Variants in CSF1 observed in about 807,000 individuals in gnomAD.
The protein encoded by CSF1 is macrophage colony-stimulating factor 1.
CSF1 carries 9 observed loss-of-function variants against 48.9 expected under a neutral mutation model. The observed-to-expected ratio is 0.18, with a 90% CI of 0.11 to 0.32. CSF1 has a LOEUF of 0.32. CSF1 is among the 10% of genes least tolerant of loss of function. The probability of loss-of-function intolerance (pLI) is 1.00; values close to 1 mark genes in which losing one functional copy is unlikely to be tolerated. For missense variants in CSF1, 672 were observed against 697.9 expected, an observed-to-expected ratio of 0.96 and a Z score of 0.42; for synonymous variants, 305 against 284.1, an observed-to-expected ratio of 1.07 and a Z score of -0.74.
At chr1:109,917,208 C>G in intron 3 of CSF1, 85 bp from the exon 4 acceptor site, 2 of 1,441,700 alleles carry the variant, frequency 1.4e-6, no homozygotes, top group South Asian at 2.6e-5. Context: ...AGGGGGAGAG[C>G]AAGCTGCAAC....
chr1:109,926,177 G>C (rs1002667001), intron 8 of CSF1: 3 of 152,228 alleles, frequency 2.0e-5, no homozygotes, highest in Admixed American at 6.5e-5. Flanking sequence ...AGTACAGTGG[G>C]ACTGTTACCT....
intron 2 of CSF1, 27 bp from the exon 3 acceptor site, chr1:109,915,607 C>T: frequency 1.2e-6 from 2 of 1,601,960 alleles, no homozygotes; most frequent in Non-Finnish European, 1.7e-6. Context: ...GGTTACCCTG[C>T]AATCGTTGGC....
intron 3 of CSF1, among the ~76,000 whole-genome samples, chr1:109,916,985 G>A (rs1212800067): frequency 6.6e-6 from 1 of 152,134 alleles, no homozygotes; most frequent in East Asian, 1.9e-4. Context: ...AAAGGCAGGG[G>A]AAGGTTCCCT....
intron 1 of CSF1, 22 bp from the exon 2 acceptor site, chr1:109,914,237 A>C: frequency 6.3e-7 from 1 of 1,581,418 alleles, no homozygotes; most frequent in Admixed American, 1.8e-5. Flanking sequence ...CCTGGGGAGA[A>C]ATGACACCCT....
In CSF1 at chr1:109,923,208, C is replaced by T; in HGVS notation, c.587C>T (p.Ala196Val). The T allele has an allele frequency of 6.5e-7, 1 of 1,537,944 alleles. No homozygotes were observed. Among genetic ancestry groups the T allele is most frequent in the African/African-American group, 1.4e-5 (1 of 72,508 alleles). Residue 196 changes from alanine to valine, a missense_variant, in exon 6 of 9, where the codon GCC (alanine) becomes GTC (valine). By Grantham distance (64) the Ala-to-Val change is moderately conservative. Around this residue, in one of 3 missense-constraint regions of CSF1, gnomAD observed 591 missense variants for 593.6 expected, o/e 1.00. Coordinates refer to ENST00000329608, the MANE Select transcript of CSF1 (RefSeq NM_000757.6). ...KPDCNCLYPK[A>V]IPSSDPASVS... ...GATTGCAACTGCCTGTACCCCAAAG[C>T]CATCCCTAGCAGTGACCCGGCCTCT...
intron 4 of CSF1, among the ~76,000 whole-genome samples, chr1:109,921,254 G>A (rs369562556): frequency 1.3e-5 from 2 of 152,132 alleles, no homozygotes; most frequent in East Asian, 1.9e-4. Flanking sequence ...CTCCATGTGC[G>A]TCTCTTGCCA....
chr1:109,910,911 G>A lies in CSF1; in HGVS notation c.-113G>A. On this transcript the variant is annotated 5_prime_UTR_variant, in exon 1 of 9. Transcript: ENST00000329608. ...CCTCTCGGCGCCAGAGCCGCTCTCC[G>A]CATCCCAGGACAGCGGTGCGGCCCT... 2.6e-6 allele frequency: 2 copies of A among 782,084 alleles called. No individual in the cohort carries two copies. Among genetic ancestry groups the A allele is most frequent in the Non-Finnish European group, 1.6e-6 (1 of 618,022 alleles). 48.4% of individuals were successfully genotyped at this position (782,084 alleles called of 1,614,324 possible).
rs754201417 is a variant in CSF1, at chr1:109,914,315, C to T, written c.96C>T (p.Thr32=). The change falls in exon 2 of 9, where the codon ACC becomes ACT. Residue 32 remains threonine, a synonymous_variant. Coordinates refer to ENST00000329608, the MANE Select transcript of CSF1 (RefSeq NM_000757.6). ...LVCLLASRSI[T]EEVSEYCSHM... Reference sequence around the variant, plus strand: ...GTCTCCTGGCGAGCAGGAGTATCACCGAGGAGGTGTCGGAGTACTGTAGCC... The same window carrying T: ...GTCTCCTGGCGAGCAGGAGTATCACTGAGGAGGTGTCGGAGTACTGTAGCC... 42 of 1,607,794 alleles carry T rather than the reference C, an allele frequency of 2.6e-5. No individual in the cohort carries two copies. Among genetic ancestry groups the T allele is most frequent in the Non-Finnish European group, 3.5e-5 (41 of 1,177,110 alleles).
rs778270864 is a variant in CSF1 at position 109,923,686 on chromosome 1, G to C, written c.1065G>C (p.Lys355Asn). The change falls in exon 6 of 9, where the codon AAG becomes AAC. Residue 355 changes from lysine to asparagine, a missense_variant. Coordinates refer to ENST00000329608, the MANE Select transcript of CSF1 (RefSeq NM_000757.6). ...SASSPLPASA[K>N]GQQPADVTGT... The stretch of plus-strand genomic sequence containing the variant: ...CTTCTCCACTCCCTGCATCAGCAAA[G>C]GGCCAACAGCCGGCAGATGTAACTG... 6.8e-6 allele frequency: 11 copies of C among 1,613,690 alleles called. No individual in the cohort carries two copies. The highest frequency in any genetic ancestry group is 8.5e-6 in the Non-Finnish European group (10 of 1,179,768).
At chr1:109,913,574 G>A (rs1034972665) in intron 1 of CSF1, among the ~76,000 whole-genome samples, 2 of 152,260 alleles carry the variant, frequency 1.3e-5, no homozygotes, top group South Asian at 2.1e-4. Flanking sequence ...CTGGCTGGAG[G>A]CAAAGCCTGA....
At chr1:109,920,613 G>A (rs375228015) in intron 4 of CSF1, among the ~76,000 whole-genome samples, 5 of 152,140 alleles carry the variant, frequency 3.3e-5, no homozygotes, top group South Asian at 2.1e-4. Flanking sequence ...CACCGCACCC[G>A]GCCTATCTGG....
intron 7 of CSF1, 72 bp downstream of exon 7, chr1:109,924,900 G>A: frequency 2.1e-6 from 3 of 1,448,248 alleles, no homozygotes; most frequent in Non-Finnish European, 2.9e-6. Flanking sequence ...TCTTCGTGGT[G>A]GTGGGGCTCT....
At chr1:109,916,546 C>G (rs1647224000) in intron 3 of CSF1, among the ~76,000 whole-genome samples, 1 of 152,190 alleles carries the variant, frequency 6.6e-6, no homozygotes, top group South Asian at 2.1e-4. Flanking sequence ...ACTGTCATGC[C>G]TTTCCACCTG....
intron 4 of CSF1, 118 bp downstream of exon 4, chr1:109,917,581 A>G (rs986994208): frequency 1.7e-5 from 17 of 1,029,108 alleles, no homozygotes; most frequent in Non-Finnish European, 2.0e-5. Context: ...TTGCTTGCTC[A>G]CTCTCATTTA....
chr1:109,927,736 C>T (rs1647904160), intron 8 of CSF1, among the ~76,000 whole-genome samples: 1 of 152,168 alleles, frequency 6.6e-6, no homozygotes, highest in Non-Finnish European at 1.5e-5. Context: ...AGATTGAGTG[C>T]CAGCCCCTAG....
At chr1:109,916,220 G>A (rs1361478086) in intron 3 of CSF1, among the ~76,000 whole-genome samples, 2 of 152,116 alleles carry the variant, frequency 1.3e-5, no homozygotes, top group Non-Finnish European at 2.9e-5. Flanking sequence ...GCATCTCTGG[G>A]TTCTGTCTCC....
In CSF1 at chr1:109,910,948, C is replaced by A; in HGVS notation, c.-76C>A. On this transcript the variant is annotated 5_prime_UTR_variant, in exon 1 of 9. Coordinates refer to ENST00000329608, the MANE Select transcript of CSF1 (RefSeq NM_000757.6). ...AGCGGTGCGGCCCTCGGCCGGGGCG[C>A]CCACTCCGCAGCAGCCAGCGAGCGA... is the stretch of plus-strand genomic sequence containing the variant. 5.5e-6 allele frequency: 6 copies of A among 1,094,656 alleles called. No individual in the cohort carries two copies. Among genetic ancestry groups the A allele is most frequent in the Non-Finnish European group, 6.8e-6 (6 of 884,298 alleles). The allele number at this position is 1,094,656 out of a possible 1,614,324, so 67.8% of individuals were successfully genotyped here.
intron 7 of CSF1, 63 bp downstream of exon 7, chr1:109,924,891 C>T (rs1647768966): frequency 1.5e-5 from 22 of 1,512,452 alleles, no homozygotes; most frequent in Middle Eastern, 3.8e-4. Context: ...TGTTTCCCCT[C>T]TTCGTGGTGG....
At position 109,910,958 on chromosome 1, in the gene CSF1, A is replaced by G; in HGVS notation, c.-66A>G. 2 of 1,089,798 alleles carry G rather than the reference A, an allele frequency of 1.8e-6. No homozygotes were observed. The highest frequency in any genetic ancestry group is 1.1e-6 in the Non-Finnish European group (1 of 892,324). The allele number at this position is 1,089,798 out of a possible 1,614,324, so 67.5% of individuals were successfully genotyped here. On this transcript the variant is annotated 5_prime_UTR_variant, in exon 1 of 9. Coordinates refer to ENST00000329608, the MANE Select transcript of CSF1 (RefSeq NM_000757.6). Reference sequence around the variant, plus strand: ...CCCTCGGCCGGGGCGCCCACTCCGCAGCAGCCAGCGAGCGAGCGAGCGAGC... The same window carrying G: ...CCCTCGGCCGGGGCGCCCACTCCGCGGCAGCCAGCGAGCGAGCGAGCGAGC...
Sources: allele counts gnomAD v4.1 joint callset (sites outside exome capture counted in the v4.1 genomes callset), GRCh38; gene constraint gnomAD v4.1.1; regional missense constraint gnomAD v4.1.1; transcripts MANE v1.5; gene names NCBI Gene and HGNC (gene_info 2026-07-23, HGNC 2026-07-21).